Variants in TMEM132C observed in about 807,000 individuals in gnomAD.
The protein encoded by TMEM132C is protein phosphatase 1, regulatory subunit 152.
In TMEM132C, 29 loss-of-function variants were observed where a neutral mutation model predicts 61.4. That is an observed-to-expected ratio of 0.47 (90% CI 0.35 to 0.64). The LOEUF (loss-of-function observed/expected upper bound fraction) is 0.64, where lower values mean the gene tolerates loss of function less well. Ranked by LOEUF, TMEM132C falls within the 30% of genes least tolerant of loss-of-function variation. TMEM132C has a pLI of 0.00. For missense variants in TMEM132C, 1,408 were observed against 1,476.9 expected, an observed-to-expected ratio of 0.95 and a Z score of 0.76; for synonymous variants, 656 against 633.1, an observed-to-expected ratio of 1.04 and a Z score of -0.54.
chr12:128,696,218 G>A, intron 7 of TMEM132C, 115 bp downstream of exon 7: 1 of 1,379,492 alleles, frequency 7.2e-7, no homozygotes, highest in Non-Finnish European at 9.7e-7. Flanking sequence ...TGTATCATGG[G>A]AACACAGGAA....
chr12:128,690,474 T>G (rs1289004686), intron 5 of TMEM132C, among the ~76,000 whole-genome samples: 1 of 152,176 alleles, frequency 6.6e-6, no homozygotes, highest in Non-Finnish European at 1.5e-5. Context: ...GCACGGCTAC[T>G]TCATACCCTT....
chr12:128,547,807 T>G (rs1593095738), intron 3 of TMEM132C, among the ~76,000 whole-genome samples: 1 of 151,918 alleles, frequency 6.6e-6, no homozygotes. Flanking sequence ...TCCAGAAAGG[T>G]GGTTCTGGAA....
intron 1 of TMEM132C, among the ~76,000 whole-genome samples, chr12:128,273,739 T>C (rs140545256): frequency 7.5e-4 from 114 of 152,330 alleles, no homozygotes; most frequent in African/African-American, 2.7e-3. Flanking sequence ...CAAAATACAA[T>C]TTTAATTAAT....
intron 2 of TMEM132C, among the ~76,000 whole-genome samples, chr12:128,458,548 G>A (rs1458378915): frequency 6.6e-6 from 1 of 151,944 alleles, no homozygotes; most frequent in African/African-American, 2.4e-5. Flanking sequence ...CCCTTTGCCC[G>A]GTGACTACCA....
chr12:128,290,028 A>G (rs1440212612), intron 1 of TMEM132C, among the ~76,000 whole-genome samples: 1 of 152,158 alleles, frequency 6.6e-6, no homozygotes, highest in Non-Finnish European at 1.5e-5. Context: ...CTATCCTATA[A>G]TGTGAAAAAA....
At chr12:128,434,769 AT>A (rs938144140) in intron 2 of TMEM132C, among the ~76,000 whole-genome samples, 6 of 151,014 alleles carry the variant, frequency 4.0e-5, no homozygotes, top group Non-Finnish European at 7.4e-5. Context: ...TGCCCGGCTA[AT>A]TTTTTTTTAA....
At chr12:128,641,863 C>G (rs954501497) in intron 4 of TMEM132C, among the ~76,000 whole-genome samples, 4 of 151,984 alleles carry the variant, frequency 2.6e-5, no homozygotes, top group African/African-American at 9.7e-5. Context: ...GGCACGATCT[C>G]GACTCACTGC....
At chr12:128,390,314 A>G (rs1874721742) in intron 1 of TMEM132C, among the ~76,000 whole-genome samples, 1 of 152,208 alleles carries the variant, frequency 6.6e-6, no homozygotes, top group Non-Finnish European at 1.5e-5. Flanking sequence ...TGGCAGGGCT[A>G]TGTTCCTCCT....
At chr12:128,424,893 A>G (rs1207639781) in intron 2 of TMEM132C, among the ~76,000 whole-genome samples, 1 of 152,182 alleles carries the variant, frequency 6.6e-6, no homozygotes, top group East Asian at 1.9e-4. Flanking sequence ...GGTTCTTAGG[A>G]CCAGACCACT....
At chr12:128,433,014 TAAATAAATAAATA>T (rs1869445743) in intron 2 of TMEM132C, among the ~76,000 whole-genome samples, 2 of 145,832 alleles carry the variant, frequency 1.4e-5, no homozygotes, top group South Asian at 4.2e-4. Context: ...AATAAATAAA[TAAATAAATAAATA>T]AATAAATAAA....
intron 2 of TMEM132C, among the ~76,000 whole-genome samples, chr12:128,451,094 C>G (rs765633784): frequency 2.6e-5 from 4 of 151,996 alleles, no homozygotes; most frequent in Non-Finnish European, 4.4e-5. Context: ...AGTAAAAGCC[C>G]CATTGAAAGA....
intron 3 of TMEM132C, among the ~76,000 whole-genome samples, chr12:128,613,268 A>G (rs1464369506): frequency 6.6e-6 from 1 of 152,214 alleles, no homozygotes; most frequent in Non-Finnish European, 1.5e-5. Context: ...TCAGGTCCAG[A>G]CGTGCTTGCT....
At position 128,600,052 on chromosome 12, in the gene TMEM132C, G is replaced by A. The variant is rs548624214; in HGVS notation, c.1122-16100G>A. 5.9e-5 allele frequency among the ~76,000 whole-genome samples: 9 copies of A among 152,144 alleles called. No individual in the cohort carries two copies. In the East Asian group the frequency reaches 9.7e-4, roughly 16 times the overall value. On this transcript the variant is annotated intron_variant, in intron 3 of 8. Transcript: ENST00000435159. The stretch of plus-strand genomic sequence containing the variant: ...GGCTGGAGTGCAGTGGCGCGATCTC[G>A]GCTCACTGCAAGCTCCGCCTCCCGG...
intron 1 of TMEM132C, among the ~76,000 whole-genome samples, chr12:128,395,671 G>A (rs1874926274): frequency 6.6e-6 from 1 of 152,138 alleles, no homozygotes; most frequent in African/African-American, 2.4e-5. Context: ...GTAATTTGTT[G>A]AACGCTGTTC....
At chr12:128,310,175 T>A (rs1317543635) in intron 1 of TMEM132C, among the ~76,000 whole-genome samples, 9 of 152,260 alleles carry the variant, frequency 5.9e-5, no homozygotes, top group African/African-American at 1.9e-4. Context: ...TGAACCTTCA[T>A]GTATAAGTAT....
chr12:128,691,660 TG>T (rs1323875130), intron 5 of TMEM132C, among the ~76,000 whole-genome samples: 1 of 152,224 alleles, frequency 6.6e-6, no homozygotes, highest in African/African-American at 2.4e-5. Context: ...GCCATTCACT[TG>T]TCCACCCATC....
chr12:128,628,908 T>C (rs1954042443), intron 4 of TMEM132C, among the ~76,000 whole-genome samples: 1 of 152,252 alleles, frequency 6.6e-6, no homozygotes, highest in Non-Finnish European at 1.5e-5. Context: ...TTAAAAGCTG[T>C]CAGCCTTTAT....
intron 2 of TMEM132C, among the ~76,000 whole-genome samples, chr12:128,449,344 T>C (rs1870104889): frequency 6.6e-6 from 1 of 152,128 alleles, no homozygotes; most frequent in Non-Finnish European, 1.5e-5. Context: ...GCTCATTTAC[T>C]GAAATTACTT....
intron 4 of TMEM132C, among the ~76,000 whole-genome samples, chr12:128,639,146 G>A (rs1278110536): frequency 6.7e-6 from 1 of 149,288 alleles, no homozygotes; most frequent in African/African-American, 2.5e-5. Flanking sequence ...TGACAATGGT[G>A]ATGATGATGG....
Sources: gnomAD v4.1 joint callset for allele counts (sites outside exome capture counted in the v4.1 genomes callset) on GRCh38, gnomAD v4.1.1 for gene constraint, MANE v1.5 for transcripts, NCBI Gene and HGNC (gene_info 2026-07-23, HGNC 2026-07-21) for gene names.